CAVIN1: variants seen among roughly 807,000 people sequenced by gnomAD.
CAVIN1 encodes caveolae-associated protein 1.
A neutral mutation model predicts 24.0 loss-of-function variants in CAVIN1; 16 were observed. That is an observed-to-expected ratio of 0.67 (90% CI 0.45 to 1.01). The LOEUF is 1.01. Ranked by LOEUF, CAVIN1 falls within the 50% of genes least tolerant of loss-of-function variation. The probability of loss-of-function intolerance (pLI) is 0.00; values close to 1 mark genes in which losing one functional copy is unlikely to be tolerated. For missense variants in CAVIN1, 510 were observed against 551.7 expected (o/e 0.92, Z 0.76); for synonymous variants, 256 against 256.4 (o/e 1.00, Z 0.02).
chr17:42,406,043 C>T (rs2085444684), intron 1 of CAVIN1, among the ~76,000 whole-genome samples: 2 of 152,164 alleles, frequency 1.3e-5, no homozygotes, highest in African/African-American at 2.4e-5. Context: ...CTAAACAGAC[C>T]GCGGGAGCAG....
intron 1 of CAVIN1, among the ~76,000 whole-genome samples, chr17:42,419,036 G>GA (rs1030253319): frequency 2.6e-5 from 4 of 151,376 alleles, no homozygotes; most frequent in African/African-American, 4.9e-5. Flanking sequence ...CTACAAATAT[G>GA]AAAAAAAACA....
At chr17:42,408,383 G>A (rs1281281024) in intron 1 of CAVIN1, among the ~76,000 whole-genome samples, 1 of 152,186 alleles carries the variant, frequency 6.6e-6, no homozygotes, top group East Asian at 1.9e-4. Context: ...GGACTGGGGA[G>A]AGAGCTGCAG....
In CAVIN1 at chr17:42,422,780, C is replaced by T. The variant is rs538952731; in HGVS notation, c.318G>A (p.Thr106=). ...LGKAHATTSN[T]VSKLLEKVRK... ...GCACCTTCTCCAGCAGCTTGCTCAC[C>T]GTATTGCTCGTGGTGGCGTGCGCCT... is the stretch of plus-strand genomic sequence containing the variant. Residue 106 remains threonine, a synonymous_variant, in exon 1 of 2, where the codon ACG becomes ACA. Transcript: ENST00000357037. 9 of 1,613,626 alleles carry T rather than the reference C, an allele frequency of 5.6e-6. No homozygotes were observed. Among genetic ancestry groups the T allele is most frequent in the East Asian group, 4.5e-5 (2 of 44,860 alleles).
chr17:42,416,782 A>C (rs959581613), intron 1 of CAVIN1, among the ~76,000 whole-genome samples: 3 of 151,982 alleles, frequency 2.0e-5, no homozygotes, highest in South Asian at 2.1e-4. Context: ...GGTTTTAGGG[A>C]TGAAAGGGAC....
rs1009604225 is a variant in CAVIN1 at position 42,422,534 on chromosome 17, A to G, written c.471+93T>C. ...GCCCGGGCCAGGCTGGGAGGGGAGCAGCGCCACGGGCAGGTCTCCCCACCC... is the reference window on the plus strand; with the variant it reads ...GCCCGGGCCAGGCTGGGAGGGGAGCGGCGCCACGGGCAGGTCTCCCCACCC... On this transcript the variant is annotated intron_variant, in intron 1 of 1. Coordinates refer to ENST00000357037, the MANE Select transcript of CAVIN1 (RefSeq NM_012232.6). 7.9e-6 allele frequency: 6 copies of G among 761,020 alleles called. No homozygotes were observed. In the Admixed American group the frequency reaches 9.1e-5, roughly 12 times the overall value. 47.1% of individuals were successfully genotyped at this position (761,020 alleles called of 1,614,324 possible).
At chr17:42,419,884 TG>T (rs2085534818) in intron 1 of CAVIN1, among the ~76,000 whole-genome samples, 1 of 109,622 alleles carries the variant, frequency 9.1e-6, no homozygotes, top group East Asian at 3.2e-4. Context: ...CTGAATTTCG[TG>T]TGTGTGTGTG....
At position 42,405,133 on chromosome 17, in the gene CAVIN1, T is replaced by A. The variant is rs2085435015; in HGVS notation, c.727A>T (p.Lys243Ter). 1 of 1,612,772 alleles carries A rather than the reference T, an allele frequency of 6.2e-7. No homozygotes were observed. Among genetic ancestry groups the A allele is most frequent in the Non-Finnish European group, 8.5e-7 (1 of 1,179,764 alleles). The part of the protein sequence containing the change: ...KKAFSKEKME[K>*]TKVRTRENLE... The stretch of plus-strand genomic sequence containing the variant: ...TTCTCGCGGGTACGCACCTTGGTCT[T>A]CTCCATCTTCTCCTTGGAGAAGGCC... Residue 243 changes from lysine to a stop codon, truncating the protein, a stop_gained, in exon 2 of 2, where the codon AAG becomes TAG. Coordinates refer to ENST00000357037, the MANE Select transcript of CAVIN1 (RefSeq NM_012232.6). LOFTEE classifies it high-confidence loss of function.
Position 42,404,832 on chromosome 17 carries a change from T to G in CAVIN1, c.1028A>C (p.Glu343Ala). 6.2e-7 allele frequency: 1 copy of G among 1,613,018 alleles called. No homozygotes were observed. Among genetic ancestry groups the G allele is most frequent in the Middle Eastern group, 1.7e-4 (1 of 6,054 alleles). ...GCCCTCGTCGTCGTCGGCGCCCACC[T>G]CCACCATCTCGGTGGCCTTGAGCAC... ...VEVLKATEMV[E>A]VGADDDEGGA... is the part of the protein sequence containing the mutation. Residue 343 changes from glutamate (E) to alanine (A), a missense_variant, in exon 2 of 2, where the codon GAG becomes GCG. By Grantham distance (107) the Glu-to-Ala change is moderately radical (BLOSUM62 -1). Transcript: ENST00000357037.
At chr17:42,411,787 A>G (rs1448503014) in intron 1 of CAVIN1, 1 of 985,428 alleles carries the variant, frequency 1.0e-6, no homozygotes. Context: ...GTGCAGCTTA[A>G]GTGTGGGGGA....
intron 1 of CAVIN1, among the ~76,000 whole-genome samples, chr17:42,408,569 G>A (rs886847452): frequency 4.6e-5 from 7 of 151,990 alleles, no homozygotes; most frequent in South Asian, 2.1e-4. Context: ...TCGGCTCACC[G>A]CAACATCCGC....
chr17:42,404,962 A>G lies in CAVIN1; in HGVS notation c.898T>C (p.Ser300Pro), dbSNP rs1363007347. 6.2e-7 allele frequency: 1 copy of G among 1,613,660 alleles called. No homozygotes were observed. The highest frequency in any genetic ancestry group is 8.5e-7 in the Non-Finnish European group (1 of 1,179,944). ...LKTSRDKLRKSFTPDHVVYAR... is the reference protein window; with the variant it reads ...LKTSRDKLRKPFTPDHVVYAR... ...TACACCACGTGGTCGGGCGTGAAGG[A>G]TTTGCGCAACTTGTCCCGCGACGTC... The change falls in exon 2 of 2, where the codon TCC becomes CCC. Residue 300 changes from serine (S) to proline (P), a missense_variant. Ser to Pro is a moderately conservative substitution (Grantham distance 74). Coordinates refer to ENST00000357037, the MANE Select transcript of CAVIN1 (RefSeq NM_012232.6).
Position 42,404,525 on chromosome 17 carries a change from C to T in CAVIN1, c.*162G>A, listed in dbSNP as rs1598569956. On this transcript the variant is annotated 3_prime_UTR_variant, in exon 2 of 2. Coordinates refer to ENST00000357037, the MANE Select transcript of CAVIN1 (RefSeq NM_012232.6). ...TCCACTGCGGGGGCTGCCTCCCCAT[C>T]GGGTCCTAACAGCTCTAAGACTGGG... is the stretch of plus-strand genomic sequence containing the variant. 2 of 503,880 alleles carry T rather than the reference C, an allele frequency of 4.0e-6. No individual in the cohort carries two copies. Among genetic ancestry groups the T allele is most frequent in the South Asian group, 3.0e-5 (1 of 33,808 alleles). 31.2% of individuals were successfully genotyped at this position (503,880 alleles called of 1,614,324 possible). A position where few individuals can be genotyped will look rare whatever the true frequency, so the allele number is the denominator to read the frequency against.
chr17:42,418,962 CAGG>C (rs1321093813), intron 1 of CAVIN1, among the ~76,000 whole-genome samples: 1 of 152,122 alleles, frequency 6.6e-6, no homozygotes, highest in Non-Finnish European at 1.5e-5. Context: ...GAGGCCCAGA[CAGG>C]AGAACTGTTT....
At chr17:42,413,566 G>GAAAAAAAAAAAAAAAAAAAA (rs60085741) in intron 1 of CAVIN1, among the ~76,000 whole-genome samples, 4 of 56,962 alleles carry the variant, frequency 7.0e-5, no homozygotes, top group Admixed American at 2.6e-4. Context: ...CTCAAAAAGG[G>GAAAAAAAAAAAAAAAAAAAA]AAAAAAAAAA....
chr17:42,419,399 G>A (rs773222281), intron 1 of CAVIN1, among the ~76,000 whole-genome samples: 10 of 151,912 alleles, frequency 6.6e-5, no homozygotes, highest in South Asian at 6.2e-4. Context: ...TGCAACCTCC[G>A]CCTCCCAGGT....
intron 1 of CAVIN1, among the ~76,000 whole-genome samples, chr17:42,408,292 C>T (rs2085457173): frequency 6.6e-6 from 1 of 152,010 alleles, no homozygotes; most frequent in Admixed American, 6.6e-5. Flanking sequence ...CCACCCCACC[C>T]CTAAAGGCTG....
intron 1 of CAVIN1, chr17:42,411,972 T>C: frequency 6.1e-6 from 6 of 985,392 alleles, no homozygotes; most frequent in Non-Finnish European, 7.2e-6. Flanking sequence ...CTGGCAGTGA[T>C]CACCACTAGG....
chr17:42,422,892 T>A lies in CAVIN1; in HGVS notation c.206A>T (p.Gln69Leu). 1 of 1,614,130 alleles carries A rather than the reference T, an allele frequency of 6.2e-7. No homozygotes were observed. Among genetic ancestry groups the A allele is most frequent in the South Asian group, 1.1e-5 (1 of 91,080 alleles). ...CTCCTCCAGCTGTGCTTGAGTCAGC[T>A]GGATCTGGTCTACGGCCCCGATGAT... ...DKIIGAVDQI[Q>L]LTQAQLEERQ... is the part of the protein sequence containing the mutation. Residue 69 changes from glutamine to leucine, a missense_variant, in exon 1 of 2, where the codon CAG (glutamine) becomes CTG (leucine). Gln to Leu is a moderately radical substitution (Grantham distance 113). Transcript: ENST00000357037.
intron 1 of CAVIN1, among the ~76,000 whole-genome samples, chr17:42,419,517 G>C (rs1289410989): frequency 6.6e-6 from 1 of 151,912 alleles, no homozygotes; most frequent in African/African-American, 2.4e-5. Flanking sequence ...CACCATGTTG[G>C]CCAGGCTGGT....
Sources: gnomAD v4.1 joint callset for allele counts (sites outside exome capture counted in the v4.1 genomes callset) on GRCh38, gnomAD v4.1.1 for gene constraint, MANE v1.5 for transcripts, NCBI Gene and HGNC (gene_info 2026-07-23, HGNC 2026-07-21) for gene names.